Variants in ALDH1L1 observed in about 807,000 individuals in gnomAD.
ALDH1L1 encodes aldehyde dehydrogenase 1 family member L1.
Under a neutral mutation model 101.1 loss-of-function variants are expected in ALDH1L1, and 68 were observed. The observed-to-expected ratio is 0.67, with a 90% confidence interval of 0.55 to 0.82. The LOEUF (loss-of-function observed/expected upper bound fraction) is 0.82, where lower values mean the gene tolerates loss of function less well. Among genes scored for constraint, ALDH1L1 ranks in the 40% least tolerant of loss-of-function variants. The probability of loss-of-function intolerance (pLI) is 0.00; values close to 1 mark genes in which losing one functional copy is unlikely to be tolerated. For missense variants in ALDH1L1, 1,087 were observed against 1,172.7 expected, an observed-to-expected ratio of 0.93 and a Z score of 1.07; for synonymous variants, 486 against 470.8, an observed-to-expected ratio of 1.03 and a Z score of -0.42.
intron 1 of ALDH1L1, among the ~76,000 whole-genome samples, chr3:126,193,105 A>G (rs1328608715): frequency 6.6e-6 from 1 of 152,180 alleles, no homozygotes; most frequent in East Asian, 1.9e-4. Context: ...TAGGTTTTCA[A>G]TCTTGTCTAC....
At chr3:126,123,818 A>G (rs1473133923) in intron 16 of ALDH1L1, among the ~76,000 whole-genome samples, 2 of 152,136 alleles carry the variant, frequency 1.3e-5, no homozygotes, top group African/African-American at 4.8e-5. Flanking sequence ...CAACTTAAAA[A>G]GAGAGAGAAA....
At chr3:126,158,085 G>T (rs1302947766) in intron 3 of ALDH1L1, among the ~76,000 whole-genome samples, 1 of 151,642 alleles carries the variant, frequency 6.6e-6, no homozygotes, top group Admixed American at 6.6e-5. Flanking sequence ...TGCGCCTCCT[G>T]GTGCCCTCTC....
Position 126,114,617 on chromosome 3 carries a change from C to G in ALDH1L1, c.2022G>C (p.Leu674=). Residue 674 remains leucine (L), a synonymous_variant, in exon 18 of 23, where the codon CTG becomes CTC. Transcript: ENST00000393434. ...AGATGATGAGGGGTGACTTCCCGCC[C>G]AGTTCCAGGGACACCTTCTTCACGT... ...ISNVKKVSLE[L]GGKSPLIIFA... 1 of 1,516,134 alleles carries G rather than the reference C, an allele frequency of 6.6e-7. No individual in the cohort carries two copies. The highest frequency in any genetic ancestry group is 8.8e-7 in the Non-Finnish European group (1 of 1,131,804). 93.9% of individuals were successfully genotyped at this position (1,516,134 alleles called of 1,614,324 possible). A position where few individuals can be genotyped will look rare whatever the true frequency, so the allele number is the denominator to read the frequency against.
chr3:126,190,252 G>C (rs2108353817), intron 1 of ALDH1L1, among the ~76,000 whole-genome samples: 1 of 152,244 alleles, frequency 6.6e-6, no homozygotes, highest in East Asian at 1.9e-4. Context: ...TTCATCATGT[G>C]GTAGAAATAA....
chr3:126,121,826 C>T (rs775187275), intron 16 of ALDH1L1, among the ~76,000 whole-genome samples: 26 of 152,214 alleles, frequency 1.7e-4, no homozygotes, highest in Non-Finnish European at 2.9e-4. Context: ...CAGCTCCCAG[C>T]GAAGGAAGCT....
At chr3:126,171,025 G>A (rs1407488017) in intron 1 of ALDH1L1, among the ~76,000 whole-genome samples, 4 of 152,192 alleles carry the variant, frequency 2.6e-5, no homozygotes, top group Non-Finnish European at 2.9e-5. Flanking sequence ...TTGGCTGGGC[G>A]CGGTGGCTCA....
rs372907564 is a variant in ALDH1L1, at chr3:126,103,830, G to C, written c.2670C>G (p.Asn890Lys). The change falls in exon 23 of 23, where the codon AAC becomes AAG. Residue 890 changes from asparagine to lysine, a missense_variant. By Grantham distance (94) the Asn-to-Lys change is moderately conservative. Coordinates refer to ENST00000393434, the MANE Select transcript of ALDH1L1 (RefSeq NM_012190.4). Reference protein sequence around the residue: ...FGKDLGEAALNEYLRVKTVTF... With the variant: ...FGKDLGEAALKEYLRVKTVTF... ...TCACTGTCTTGACCCGCAGGTACTC[G>C]TTCAGAGCCGCCTCTCCTGTAAGAC... The C allele has an allele frequency of 6.2e-7, 1 of 1,613,304 alleles. No homozygotes were observed. The highest frequency in any genetic ancestry group is 8.5e-7 in the Non-Finnish European group (1 of 1,179,786).
At chr3:126,161,094 C>T (rs1048349459) in intron 1 of ALDH1L1, 92 bp from the exon 2 acceptor site, 14 of 1,435,736 alleles carry the variant, frequency 9.8e-6, no homozygotes, top group Non-Finnish European at 1.2e-5. Context: ...TGGCACCTGG[C>T]CTGCTCTACC....
chr3:126,137,677 T>G, intron 10 of ALDH1L1, 136 bp downstream of exon 10: 1 of 1,226,400 alleles, frequency 8.2e-7, no homozygotes. Context: ...GCAGGGAGAG[T>G]GTGGGAAACT....
At chr3:126,112,634 G>A in intron 19 of ALDH1L1, 148 bp downstream of exon 19, 3 of 692,944 alleles carry the variant, frequency 4.3e-6, no homozygotes, top group South Asian at 3.5e-5. Context: ...AGCTCCCGCT[G>A]TGGGTTCCCT....
At chr3:126,177,479 C>G (rs888217299) in intron 1 of ALDH1L1, among the ~76,000 whole-genome samples, 1 of 151,920 alleles carries the variant, frequency 6.6e-6, no homozygotes, top group Non-Finnish European at 1.5e-5. Context: ...CCATATGATT[C>G]ATACATACTA....
At position 126,119,195 on chromosome 3, in the gene ALDH1L1, A is replaced by C. The variant is rs557598642; in HGVS notation, c.1889-1097T>G. On this transcript the variant is annotated intron_variant, in intron 16 of 22. Transcript: ENST00000393434. ...TGCTCAGCTGATCTCACAGGCTTCC[A>C]AGGGCCATCTTCAGGTATGTCACCC... Among the ~76,000 whole-genome samples, 16 of 152,218 alleles carry C rather than the reference A, an allele frequency of 1.1e-4. No homozygotes were observed. In the South Asian group the frequency reaches 2.9e-3, roughly 28 times the overall value.
intron 1 of ALDH1L1, among the ~76,000 whole-genome samples, chr3:126,168,332 A>G (rs1276056072): frequency 6.6e-6 from 1 of 152,166 alleles, no homozygotes; most frequent in Non-Finnish European, 1.5e-5. Flanking sequence ...TAATGGGCAT[A>G]TAAAAATCTC....
At chr3:126,104,734 G>A (rs1250193588) in intron 22 of ALDH1L1, 1 of 152,442 alleles carries the variant, frequency 6.6e-6, no homozygotes, top group African/African-American at 2.4e-5. Flanking sequence ...CCTCTCATGG[G>A]TACCCTTGGG....
rs1004452447 is a variant in ALDH1L1 at position 126,131,261 on chromosome 3, T to C, written c.1623+123A>G. 31 of 1,279,118 alleles carry C rather than the reference T, an allele frequency of 2.4e-5. 1 individual carries two copies. The South Asian group carries it at 4.0e-4, about 16-fold the overall frequency. 79.2% of individuals were successfully genotyped at this position (1,279,118 alleles called of 1,614,324 possible). ...CCACAAGCTAATAAACAGGTGTCAT[T>C]CCAAGCCACCAGTTGTGGTCATTTG... On this transcript the variant is annotated intron_variant, in intron 13 of 22. Coordinates refer to ENST00000393434, the MANE Select transcript of ALDH1L1 (RefSeq NM_012190.4).
chr3:126,150,696 C>G (rs930414221), intron 7 of ALDH1L1, 165 bp from the exon 8 acceptor site: 2 of 735,210 alleles, frequency 2.7e-6, no homozygotes, highest in Non-Finnish European at 4.1e-6. Flanking sequence ...GCTGGGATTA[C>G]AGGCGCGCAC....
chr3:126,146,694 C>A, intron 9 of ALDH1L1, 141 bp downstream of exon 9: 1 of 804,148 alleles, frequency 1.2e-6, no homozygotes, highest in Non-Finnish European at 2.0e-6. Flanking sequence ...GCACGCAGAC[C>A]TGCACACTGG....
chr3:126,117,052 T>A (rs1389117153), intron 17 of ALDH1L1, among the ~76,000 whole-genome samples: 1 of 152,162 alleles, frequency 6.6e-6, no homozygotes, highest in East Asian at 1.9e-4. Flanking sequence ...GAGACCAGGC[T>A]GGGCAACATA....
At chr3:126,145,536 G>A (rs1337604425) in intron 9 of ALDH1L1, among the ~76,000 whole-genome samples, 1 of 152,194 alleles carries the variant, frequency 6.6e-6, no homozygotes, top group African/African-American at 2.4e-5. Context: ...TGCTACAAAA[G>A]GGCTGAATTT....
Sources: allele counts gnomAD v4.1 joint callset (sites outside exome capture counted in the v4.1 genomes callset), GRCh38; gene constraint gnomAD v4.1.1; transcripts MANE v1.5; gene names NCBI Gene and HGNC (gene_info 2026-07-23, HGNC 2026-07-21).